The following SETD7 variants were observed in gnomAD, a reference collection of about 807,000 sequenced individuals.
SETD7 encodes histone-lysine N-methyltransferase SETD7.
SETD7 carries 16 observed loss-of-function variants against 41.8 expected under a neutral mutation model. The ratio of observed to expected loss-of-function variants is 0.38; its 90% CI spans 0.26 to 0.58. The LOEUF is 0.58. SETD7 is among the 20% of genes least tolerant of loss of function. SETD7 has a pLI of 0.64. For synonymous variants in SETD7, 163 were observed against 169.7 expected (o/e 0.96, Z 0.31); for missense variants, 346 against 459.7 (o/e 0.75, Z 2.26).
rs1726850977 is a variant in SETD7 at position 139,510,856 on chromosome 4, A to G, written c.*807T>C. 6.6e-6 allele frequency: 1 copy of G among 152,668 alleles called. No homozygotes were observed. The highest frequency in any genetic ancestry group is 1.5e-5 in the Non-Finnish European group (1 of 68,048). The allele number at this position is 152,668 out of a possible 1,614,324, so 9.5% of individuals were successfully genotyped here. On this transcript the variant is annotated 3_prime_UTR_variant, in exon 8 of 8. Transcript: ENST00000274031. ...TTAAAGTATATATTACAACTCTTCCATAACTTAATGCAAACAAAGTAAATT... is the reference window on the plus strand; with the variant it reads ...TTAAAGTATATATTACAACTCTTCCGTAACTTAATGCAAACAAAGTAAATT...
chr4:139,504,106 G>A (rs1422378575), downstream of SETD7, among the ~76,000 whole-genome samples: 2 of 152,168 alleles, frequency 1.3e-5, no homozygotes, highest in Non-Finnish European at 2.9e-5. Flanking sequence ...AGCACTTCTT[G>A]TTATGTGAGA....
At chr4:139,495,511 A>G (rs1053781935), downstream of SETD7, among the ~76,000 whole-genome samples, 1 of 146,126 alleles carries the variant, frequency 6.8e-6, no homozygotes, top group Admixed American at 6.7e-5. Context: ...CAGGAAACTT[A>G]CAATCACGGC....
intron 2 of SETD7, among the ~76,000 whole-genome samples, chr4:139,545,564 C>T (rs971302820): frequency 2.6e-4 from 39 of 152,062 alleles, no homozygotes; most frequent in African/African-American, 6.3e-4. Flanking sequence ...TTGGGGGCAA[C>T]GGGGAAATGA....
At chr4:139,527,690 A>G (rs2111144676) in intron 4 of SETD7, among the ~76,000 whole-genome samples, 1 of 152,332 alleles carries the variant, frequency 6.6e-6, no homozygotes, top group East Asian at 1.9e-4. Context: ...TCCTAATGTT[A>G]ACTTCTTACA....
exon 8 of SETD7, chr4:139,496,256 C>G: frequency 1.7e-6 from 1 of 580,770 alleles, no homozygotes; most frequent in Admixed American, 2.9e-5. Context: ...CTTAAAATGG[C>G]TCCCAGAGTG....
downstream of SETD7, among the ~76,000 whole-genome samples, chr4:139,495,715 A>C (rs2111104462): frequency 6.6e-6 from 1 of 152,344 alleles, no homozygotes; most frequent in South Asian, 2.1e-4. Flanking sequence ...ATTACAATTC[A>C]AGATGAGATT....
At chr4:139,524,002 T>C (rs1422698481) in intron 4 of SETD7, among the ~76,000 whole-genome samples, 1 of 152,188 alleles carries the variant, frequency 6.6e-6, no homozygotes, top group Non-Finnish European at 1.5e-5. Context: ...ACAACCACCC[T>C]AGAAGGAACA....
chr4:139,549,239 TTA>T (rs1728043873), intron 1 of SETD7, among the ~76,000 whole-genome samples: 1 of 152,232 alleles, frequency 6.6e-6, no homozygotes, highest in South Asian at 2.1e-4. Context: ...TTTTAAAAGC[TTA>T]TGTTTGATAA....
intron 1 of SETD7, among the ~76,000 whole-genome samples, chr4:139,553,820 A>G (rs1423335102): frequency 6.6e-6 from 1 of 152,250 alleles, no homozygotes; most frequent in East Asian, 1.9e-4. Flanking sequence ...GTACTTAAAC[A>G]CTAAGATATT....
downstream of SETD7, among the ~76,000 whole-genome samples, chr4:139,503,179 G>GAAAAAAAA (rs11388022): frequency 1.4e-5 from 1 of 73,156 alleles, no homozygotes; most frequent in African/African-American, 6.5e-5. Context: ...CTCTGTCTCA[G>GAAAAAAAA]AAAAAAAAAA....
At chr4:139,495,778 G>A (rs190657438), downstream of SETD7, among the ~76,000 whole-genome samples, 91 of 152,274 alleles carry the variant, frequency 6.0e-4, no homozygotes, top group African/African-American at 2.1e-3. Context: ...TTATATAAAC[G>A]TAATGTTTAA....
At chr4:139,554,397 T>C (rs1472529641) in intron 1 of SETD7, among the ~76,000 whole-genome samples, 1 of 152,214 alleles carries the variant, frequency 6.6e-6, no homozygotes, top group Non-Finnish European at 1.5e-5. Context: ...TGGTTTAACA[T>C]GGAGAACAGT....
downstream of SETD7, among the ~76,000 whole-genome samples, chr4:139,504,758 C>T (rs1009324114): frequency 2.0e-5 from 3 of 152,142 alleles, no homozygotes; most frequent in Admixed American, 6.5e-5. Context: ...TTTGGTCTAA[C>T]ATAATTTTGT....
Position 139,532,910 on chromosome 4 carries a change from A to C in SETD7, c.372+255T>G, listed in dbSNP as rs72941355. 3,810 of 553,760 alleles carry C rather than the reference A, an allele frequency of 6.9e-3. 101 individuals carry two copies. Among genetic ancestry groups the C allele is most frequent in the African/African-American group, 0.061 (3,261 of 53,180 alleles). 34.3% of individuals were successfully genotyped at this position (553,760 alleles called of 1,614,324 possible). ...TGATACAATAAAACCAATTTGTCTC[A>C]ATTTGTTTTAATCATGATTAATTAC... On this transcript the variant is annotated intron_variant, in intron 3 of 7. Transcript: ENST00000274031.
At position 139,517,891 on chromosome 4, in the gene SETD7, T is replaced by C. The variant is rs753148496; in HGVS notation, c.914A>G (p.Tyr305Cys). ...ANHSFTPNCI[Y>C]DMFVHPRFGP... is the part of the protein sequence containing the mutation. The stretch of plus-strand genomic sequence containing the variant: ...AGCTCTGGGTAATACTTACATATCG[T>C]AGATGCAGTTTGGAGTGAAGGAGTG... Residue 305 changes from tyrosine to cysteine, a missense_variant, in exon 7 of 8, where the codon TAC becomes TGC. Tyr to Cys is a radical substitution (Grantham distance 194). This residue lies in a region of SETD7 where 75 missense variants were observed against 65.5 expected (regional missense o/e 1.14). Coordinates refer to ENST00000274031, the MANE Select transcript of SETD7 (RefSeq NM_030648.4). 1.9e-6 allele frequency: 3 copies of C among 1,613,058 alleles called. No individual in the cohort carries two copies. The highest frequency in any genetic ancestry group is 1.3e-5 in the African/African-American group (1 of 74,868).
chr4:139,521,440 A>G (rs1384913419), intron 5 of SETD7, among the ~76,000 whole-genome samples: 2 of 151,764 alleles, frequency 1.3e-5, no homozygotes, highest in East Asian at 1.9e-4. Context: ...AAAAAAAAAG[A>G]AAAAAGCGCT....
At chr4:139,532,614 A>G (rs1397451031) in intron 3 of SETD7, 2 of 153,970 alleles carry the variant, frequency 1.3e-5, no homozygotes, top group Non-Finnish European at 2.9e-5. Flanking sequence ...AGACTCCAGA[A>G]ATATCATAAA....
chr4:139,536,499 G>A (rs1727639800), intron 2 of SETD7, among the ~76,000 whole-genome samples: 1 of 152,032 alleles, frequency 6.6e-6, no homozygotes, highest in African/African-American at 2.4e-5. Context: ...ATCGCTTGAG[G>A]CCAGGAGTTT....
At chr4:139,550,056 A>T (rs527340465) in intron 1 of SETD7, among the ~76,000 whole-genome samples, 81 of 151,706 alleles carry the variant, frequency 5.3e-4, no homozygotes, top group Admixed American at 8.5e-4. Context: ...CTAATTAAAA[A>T]TTTTTTTTTA....
Sources: allele counts gnomAD v4.1 joint callset (sites outside exome capture counted in the v4.1 genomes callset), GRCh38; gene constraint gnomAD v4.1.1; regional missense constraint gnomAD v4.1.1; transcripts MANE v1.5; gene names NCBI Gene and HGNC (gene_info 2026-07-23, HGNC 2026-07-21).